Variants in IL2RB observed in about 807,000 individuals in gnomAD.
The protein encoded by IL2RB is interleukin 2 receptor subunit beta.
A neutral mutation model predicts 44.2 loss-of-function variants in IL2RB; 17 were observed. That is an observed-to-expected ratio of 0.38 (90% CI 0.26 to 0.58). The LOEUF is 0.58. IL2RB is among the 20% of genes least tolerant of loss of function. The pLI is 0.63. For synonymous variants in IL2RB, 286 were observed against 297.9 expected (o/e 0.96, Z 0.41); for missense variants, 624 against 685.5 (o/e 0.91, Z 1.00).
chr22:37,155,784 C>T (rs938105321), intron 1 of IL2RB, among the ~76,000 whole-genome samples: 1 of 152,114 alleles, frequency 6.6e-6, no homozygotes, highest in African/African-American at 2.4e-5. Flanking sequence ...CCACGCCTTG[C>T]TCCTATAACT....
intron 4 of IL2RB, 137 bp downstream of exon 4, chr22:37,142,297 G>C: frequency 1.3e-6 from 1 of 787,448 alleles, no homozygotes; most frequent in Admixed American, 2.2e-5. Flanking sequence ...CTTGCTCAGC[G>C]CTGGGCATCC....
chr22:37,168,899 T>C (rs1923168891), intron 1 of IL2RB, among the ~76,000 whole-genome samples: 1 of 152,072 alleles, frequency 6.6e-6, no homozygotes, highest in African/African-American at 2.4e-5. Flanking sequence ...AGAGGGGTTC[T>C]TGCTTACAGA....
chr22:37,157,077 TCTGACCCTCCGCCCAGTCCCC>T (rs1372709754), intron 1 of IL2RB, among the ~76,000 whole-genome samples: 5,234 of 152,256 alleles, frequency 0.034, 280 homozygotes, highest in African/African-American at 0.12. Flanking sequence ...TAATTTGGTG[TCTGACCCTCCGCCCAGTCCCC>T]ATCAGACTGT....
intron 1 of IL2RB, among the ~76,000 whole-genome samples, chr22:37,173,174 T>C (rs1923345075): frequency 6.6e-6 from 1 of 152,202 alleles, no homozygotes; most frequent in Non-Finnish European, 1.5e-5. Flanking sequence ...GTCTCTCATC[T>C]TTGGGTCTCA....
intron 1 of IL2RB, among the ~76,000 whole-genome samples, chr22:37,146,272 G>A (rs770356165): frequency 1.8e-4 from 27 of 152,028 alleles, no homozygotes; most frequent in Non-Finnish European, 2.2e-4. Context: ...CCTGAAGCCC[G>A]CCTCCAACCA....
rs1307313880 is a variant in IL2RB, at chr22:37,146,420, C to T, written c.-33-2215G>A. 2.0e-5 allele frequency among the ~76,000 whole-genome samples: 3 copies of T among 152,160 alleles called. No homozygotes were observed. In the East Asian group the frequency reaches 5.8e-4, roughly 29 times the overall value. On this transcript the variant is annotated intron_variant, in intron 1 of 9. Transcript: ENST00000216223. Reference sequence around the variant, plus strand: ...CCCTCACAGGAGCAGGTGCATGTACCCAGGCCAAAGCACACACACACCGCA... The same window carrying T: ...CCCTCACAGGAGCAGGTGCATGTACTCAGGCCAAAGCACACACACACCGCA...
In IL2RB at chr22:37,126,286, C is replaced by T. The variant is rs146413240; in HGVS notation, c.*1810G>A. The T allele has an allele frequency of 0.031, 4,778 of 152,312 alleles. 91 individuals are homozygous for T. The highest frequency in any genetic ancestry group is 0.048 in the Middle Eastern group (14 of 294). 9.4% of individuals were successfully genotyped at this position (152,312 alleles called of 1,614,324 possible). A position where few individuals can be genotyped will look rare whatever the true frequency, so the allele number is the denominator to read the frequency against. ...CTTTTTTCAAGGCATAGACCCAAGA[C>T]TCAGACAACCTCAAGAAAGGGGAGT... On this transcript the variant is annotated 3_prime_UTR_variant, in exon 10 of 10. Transcript: ENST00000216223.
upstream of IL2RB, among the ~76,000 whole-genome samples, chr22:37,150,430 T>A (rs1225346246): frequency 6.6e-6 from 1 of 152,034 alleles, no homozygotes; most frequent in South Asian, 2.1e-4. Flanking sequence ...GAGATGACTG[T>A]TTTTTTTAGT....
At position 37,136,401 on chromosome 22, in the gene IL2RB, G is replaced by A. The variant is rs3218297; in HGVS notation, c.538-8C>T. 252,291 of 1,602,892 alleles carry A rather than the reference G, an allele frequency of 0.16. 21,598 individuals carry two copies. The highest frequency in any genetic ancestry group is 0.27 in the South Asian group (24,382 of 89,500). ...AGTCAGCAGGGGGGCCTCCTGGGTCGGAGACAGGACTGTCAGCGCCCACCT... is the reference window on the plus strand; with the variant it reads ...AGTCAGCAGGGGGGCCTCCTGGGTCAGAGACAGGACTGTCAGCGCCCACCT... On this transcript the variant is annotated splice_polypyrimidine_tract_variant and splice_region_variant and intron_variant, in intron 6 of 9. Transcript: ENST00000216223.
At chr22:37,157,973 C>G (rs770382110) in intron 1 of IL2RB, among the ~76,000 whole-genome samples, 2 of 152,218 alleles carry the variant, frequency 1.3e-5, no homozygotes, top group Non-Finnish European at 2.9e-5. Flanking sequence ...GTTTCAAAAG[C>G]TTTGCCATCA....
chr22:37,156,277 G>T (rs111826193), intron 1 of IL2RB, among the ~76,000 whole-genome samples: 1 of 152,176 alleles, frequency 6.6e-6, no homozygotes, highest in African/African-American at 2.4e-5. Context: ...CAGCTCACCC[G>T]CGTGCTGCCA....
rs1220751966 is a variant in IL2RB at position 37,138,965 on chromosome 22, G to T, written c.388+152C>A. On this transcript the variant is annotated intron_variant, in intron 5 of 9. Transcript: ENST00000216223. ...CTTGAATGCCAGAGGAAGGAGCCAG[G>T]ACGTCATCCCGAGAACAGCGGGCGG... The T allele has an allele frequency of 1.5e-5, 9 of 603,854 alleles. No individual in the cohort carries two copies. The East Asian group carries it at 2.3e-4, about 15-fold the overall frequency. 37.4% of individuals were successfully genotyped at this position (603,854 alleles called of 1,614,324 possible).
At chr22:37,153,600 T>C (rs890849221), upstream of IL2RB, among the ~76,000 whole-genome samples, 2 of 152,188 alleles carry the variant, frequency 1.3e-5, no homozygotes, top group Non-Finnish European at 1.5e-5. Context: ...CAGGAGAGGA[T>C]ACTAAACACA....
intron 8 of IL2RB, among the ~76,000 whole-genome samples, chr22:37,134,483 G>A (rs1002477418): frequency 2.0e-5 from 3 of 152,164 alleles, no homozygotes; most frequent in African/African-American, 7.2e-5. Context: ...GCGTGTGCCT[G>A]TAGTCCCAGC....
Position 37,139,191 on chromosome 22 carries a change from G to A in IL2RB, c.314C>T (p.Thr105Ile). Residue 105 changes from threonine to isoleucine, a missense_variant, in exon 5 of 10, where the codon ACC (threonine) becomes ATC (isoleucine). Physicochemically the swap from Thr to Ile is moderately conservative, Grantham distance 89 (BLOSUM62 -1). Coordinates refer to ENST00000216223, the MANE Select transcript of IL2RB (RefSeq NM_000878.5). ...CCCCTCACGGCACAGCACCCTCAGGGTGACGATGTCAACTGTGGTCAGTTT... is the reference window on the plus strand; with the variant it reads ...CCCCTCACGGCACAGCACCCTCAGGATGACGATGTCAACTGTGGTCAGTTT... ...SQKLTTVDIV[T>I]LRVLCREGVR... The A allele has an allele frequency of 1.2e-6, 2 of 1,613,754 alleles. No individual in the cohort carries two copies. The highest frequency in any genetic ancestry group is 1.7e-6 in the Non-Finnish European group (2 of 1,179,782).
chr22:37,155,979 C>T (rs1366708599), intron 1 of IL2RB, among the ~76,000 whole-genome samples: 1 of 152,292 alleles, frequency 6.6e-6, no homozygotes, highest in East Asian at 1.9e-4. Flanking sequence ...GTCTTCCAGC[C>T]CTGATGTCCT....
intron 7 of IL2RB, among the ~76,000 whole-genome samples, chr22:37,135,860 G>A (rs1188076587): frequency 8.5e-5 from 13 of 152,162 alleles, no homozygotes; most frequent in Non-Finnish European, 1.3e-4. Context: ...CCAGGCTGCC[G>A]GGACATCACA....
At chr22:37,169,535 A>G (rs926515519) in intron 1 of IL2RB, among the ~76,000 whole-genome samples, 2 of 152,148 alleles carry the variant, frequency 1.3e-5, no homozygotes, top group African/African-American at 4.8e-5. Context: ...TCAAGACCCT[A>G]TCCAAGCATC....
intron 1 of IL2RB, among the ~76,000 whole-genome samples, chr22:37,162,754 C>T (rs1475780580): frequency 2.6e-5 from 4 of 152,040 alleles, no homozygotes; most frequent in African/African-American, 9.7e-5. Flanking sequence ...AGAGATCCTA[C>T]CACATGCCAG....
Sources: gnomAD v4.1 joint callset for allele counts (sites outside exome capture counted in the v4.1 genomes callset) on GRCh38, gnomAD v4.1.1 for gene constraint, MANE v1.5 for transcripts, NCBI Gene and HGNC (gene_info 2026-07-23, HGNC 2026-07-21) for gene names.